The following ALCAM variants were observed in gnomAD, a reference collection of about 807,000 sequenced individuals.
ALCAM encodes CD166 antigen.
A neutral mutation model predicts 70.9 loss-of-function variants in ALCAM; 30 were observed. That is an observed-to-expected ratio of 0.42 (90% CI 0.32 to 0.57). The LOEUF (loss-of-function observed/expected upper bound fraction) is 0.57. ALCAM is among the 20% of genes least tolerant of loss of function. The pLI is 0.11. For missense variants in ALCAM, 591 were observed against 695.1 expected, an observed-to-expected ratio of 0.85 and a Z score of 1.68; for synonymous variants, 249 against 242.5, an observed-to-expected ratio of 1.03 and a Z score of -0.25.
intron 1 of ALCAM, among the ~76,000 whole-genome samples, chr3:105,412,696 G>A (rs1170088814): frequency 1.3e-5 from 2 of 152,044 alleles, no homozygotes; most frequent in African/African-American, 4.8e-5. Flanking sequence ...GTCAACATGA[G>A]GAGAAAGCAA....
intron 1 of ALCAM, among the ~76,000 whole-genome samples, chr3:105,483,635 G>A (rs1203223273): frequency 6.6e-6 from 1 of 152,160 alleles, no homozygotes; most frequent in African/African-American, 2.4e-5. Context: ...TCATAGGAGT[G>A]TTGCCAAAGC....
chr3:105,372,399 G>C (rs575717879), intron 1 of ALCAM, among the ~76,000 whole-genome samples: 1 of 151,876 alleles, frequency 6.6e-6, no homozygotes. Flanking sequence ...TTTCAGATAG[G>C]CCTAGTTCCA....
intron 1 of ALCAM, among the ~76,000 whole-genome samples, chr3:105,404,598 A>G (rs936905833): frequency 6.6e-6 from 1 of 152,130 alleles, no homozygotes; most frequent in African/African-American, 2.4e-5. Context: ...TAAATCCTGA[A>G]ACAAATCCTC....
At chr3:105,443,554 T>C (rs1298303746) in intron 1 of ALCAM, among the ~76,000 whole-genome samples, 1 of 152,210 alleles carries the variant, frequency 6.6e-6, no homozygotes, top group Non-Finnish European at 1.5e-5. Flanking sequence ...TAACTGGAGT[T>C]TTTCTAAAAT....
At chr3:105,555,890 G>GT (rs1470455393) in intron 14 of ALCAM, among the ~76,000 whole-genome samples, 3 of 151,628 alleles carry the variant, frequency 2.0e-5, no homozygotes, top group Non-Finnish European at 4.4e-5. Context: ...GAAGTTTTTT[G>GT]TTAAAAAAAA....
At chr3:105,437,574 C>A (rs1280640001) in intron 1 of ALCAM, among the ~76,000 whole-genome samples, 3 of 152,056 alleles carry the variant, frequency 2.0e-5, no homozygotes, top group Non-Finnish European at 4.4e-5. Flanking sequence ...CCCTTTGGTA[C>A]ATAGATGGTA....
intron 14 of ALCAM, among the ~76,000 whole-genome samples, chr3:105,563,323 CT>C (rs1940667603): frequency 6.7e-6 from 1 of 150,146 alleles, no homozygotes; most frequent in Non-Finnish European, 1.5e-5. Flanking sequence ...CTTTCTTAGT[CT>C]TTATAGGGTG....
intron 1 of ALCAM, among the ~76,000 whole-genome samples, chr3:105,372,056 C>G (rs1935250314): frequency 6.6e-6 from 1 of 151,996 alleles, no homozygotes; most frequent in African/African-American, 2.4e-5. Flanking sequence ...TTGGTTATTA[C>G]TTTTGGATTT....
intron 3 of ALCAM, among the ~76,000 whole-genome samples, chr3:105,526,153 T>C (rs1939701248): frequency 6.6e-6 from 1 of 152,156 alleles, no homozygotes. Context: ...TATGTATTAA[T>C]TTGTCATTGT....
At chr3:105,378,466 G>T (rs972785138) in intron 1 of ALCAM, among the ~76,000 whole-genome samples, 7 of 151,786 alleles carry the variant, frequency 4.6e-5, no homozygotes, top group Non-Finnish European at 1.0e-4. Flanking sequence ...GTGATTTTAA[G>T]GTATAGGTTT....
At chr3:105,372,399 G>A (rs575717879) in intron 1 of ALCAM, among the ~76,000 whole-genome samples, 3 of 151,876 alleles carry the variant, frequency 2.0e-5, no homozygotes, top group Middle Eastern at 3.2e-3. Context: ...TTTCAGATAG[G>A]CCTAGTTCCA....
At chr3:105,513,745 C>G (rs1336486470) in intron 1 of ALCAM, among the ~76,000 whole-genome samples, 1 of 151,774 alleles carries the variant, frequency 6.6e-6, no homozygotes, top group East Asian at 1.9e-4. Context: ...TTAAAAATGG[C>G]CCCAAAAGGA....
At chr3:105,566,983 T>A (rs1483612181) in intron 14 of ALCAM, among the ~76,000 whole-genome samples, 1 of 152,200 alleles carries the variant, frequency 6.6e-6, no homozygotes, top group Non-Finnish European at 1.5e-5. Flanking sequence ...TTTAATTTAA[T>A]ATGTCTTTCT....
chr3:105,449,290 A>T (rs1056542487), intron 1 of ALCAM, among the ~76,000 whole-genome samples: 2 of 152,090 alleles, frequency 1.3e-5, no homozygotes, highest in Non-Finnish European at 2.9e-5. Flanking sequence ...GATTTAGTGA[A>T]TTTTTTCACA....
In ALCAM at chr3:105,487,606, G is replaced by A. The variant is rs536735447; in HGVS notation, c.74-32461G>A. 3.3e-5 allele frequency among the ~76,000 whole-genome samples: 5 copies of A among 152,262 alleles called. No individual in the cohort carries two copies. In the South Asian group the frequency reaches 1.0e-3, roughly 32 times the overall value. On this transcript the variant is annotated intron_variant, in intron 1 of 15. Coordinates refer to ENST00000306107, the MANE Select transcript of ALCAM (RefSeq NM_001627.4). ...AAATAGGAGGACTAGAAACAGAAGA[G>A]TTATCAAGTTCTTTTTCTTTCACCA... is the stretch of plus-strand genomic sequence containing the variant.
chr3:105,569,927 A>G (rs886424093), intron 14 of ALCAM, among the ~76,000 whole-genome samples: 6 of 152,194 alleles, frequency 3.9e-5, no homozygotes, highest in Admixed American at 1.3e-4. Flanking sequence ...CCTTAGGAAT[A>G]GGAGCAAGCC....
At chr3:105,487,174 A>T (rs1030293273) in intron 1 of ALCAM, among the ~76,000 whole-genome samples, 45 of 152,074 alleles carry the variant, frequency 3.0e-4, no homozygotes, top group African/African-American at 1.1e-3. Context: ...CCATGAAAAA[A>T]ATTCTGGGGT....
At chr3:105,540,993 G>A (rs1437185262) in intron 7 of ALCAM, among the ~76,000 whole-genome samples, 4 of 151,922 alleles carry the variant, frequency 2.6e-5, no homozygotes, top group East Asian at 1.9e-4. Context: ...TTTGGCTATC[G>A]GGGATGACAG....
At chr3:105,390,358 C>G (rs1270224581) in intron 1 of ALCAM, among the ~76,000 whole-genome samples, 2 of 151,972 alleles carry the variant, frequency 1.3e-5, no homozygotes, top group African/African-American at 4.8e-5. Flanking sequence ...TGACTTTGAG[C>G]TTTGTTTATA....
Sources: allele counts gnomAD v4.1 joint callset (sites outside exome capture counted in the v4.1 genomes callset), GRCh38; gene constraint gnomAD v4.1.1; transcripts MANE v1.5; gene names NCBI Gene and HGNC (gene_info 2026-07-23, HGNC 2026-07-21).